The following ADAMTSL1 variants were observed in gnomAD, a reference collection of about 807,000 sequenced individuals.
ADAMTSL1 encodes ADAMTS-like protein 1.
Under a neutral mutation model 201.8 loss-of-function variants are expected in ADAMTSL1, and 126 were observed. The observed-to-expected ratio is 0.62, with a 90% CI of 0.54 to 0.72. The LOEUF (loss-of-function observed/expected upper bound fraction) is 0.72, where lower values mean the gene tolerates loss of function less well. Among genes scored for constraint, ADAMTSL1 ranks in the 30% least tolerant of loss-of-function variants. ADAMTSL1 has a pLI of 0.00. For missense variants in ADAMTSL1, 2,679 were observed against 2,277.8 expected, an observed-to-expected ratio of 1.18 and a Z score of -3.59; for synonymous variants, 1,121 against 903.4, an observed-to-expected ratio of 1.24 and a Z score of -4.32.
chr9:18,415,351 T>C (rs907640929), intron 2 of ADAMTSL1, among the ~76,000 whole-genome samples: 1 of 152,196 alleles, frequency 6.6e-6, no homozygotes, highest in African/African-American at 2.4e-5. Flanking sequence ...ATAGAAGATG[T>C]ATTTTTAAAA....
At chr9:18,400,897 T>C (rs1817961123) in intron 2 of ADAMTSL1, among the ~76,000 whole-genome samples, 1 of 152,136 alleles carries the variant, frequency 6.6e-6, no homozygotes, top group Non-Finnish European at 1.5e-5. Context: ...CAGCTGGCAA[T>C]AACTGTACGA....
Position 18,908,563 on chromosome 9 carries a change from G to GA in ADAMTSL1, c.*20dup, listed in dbSNP as rs1554663471. 6.4e-7 allele frequency: 1 copy of GA among 1,550,556 alleles called. No individual in the cohort carries two copies. The highest frequency in any genetic ancestry group is 2.4e-5 in the East Asian group (1 of 41,102). Reference sequence around the variant, plus strand: ...GCAAAGCGTGAAGATAGGGTGTGGGGAAAAACTCTACCCTGGCCACACGAA... The same window carrying GA: ...GCAAAGCGTGAAGATAGGGTGTGGGGAAAAAACTCTACCCTGGCCACACGAA... On this transcript the variant is annotated 3_prime_UTR_variant, in exon 29 of 29. Coordinates refer to ENST00000380548, the MANE Select transcript of ADAMTSL1 (RefSeq NM_001040272.6).
Position 18,301,136 on chromosome 9 carries a change from T to C in ADAMTSL1, c.207+137155T>C, listed in dbSNP as rs149313591. 9.1e-4 allele frequency among the ~76,000 whole-genome samples: 138 copies of C among 152,278 alleles called. 2 individuals carry two copies. Among genetic ancestry groups the C allele is most frequent in the African/African-American group, 3.1e-3 (129 of 41,562 alleles). ...TTTCATCAATCCAAGATACTTTTAATTGTAAGATGCACCATTATTTAAAGT... is the reference window on the plus strand; with the variant it reads ...TTTCATCAATCCAAGATACTTTTAACTGTAAGATGCACCATTATTTAAAGT... On this transcript the variant is annotated intron_variant, in intron 2 of 29. Transcript: ENST00000680146.
At chr9:18,530,226 C>T (rs1431323493) in intron 2 of ADAMTSL1, among the ~76,000 whole-genome samples, 1 of 152,060 alleles carries the variant, frequency 6.6e-6, no homozygotes, top group East Asian at 1.9e-4. Flanking sequence ...GAAACTAAGA[C>T]CCTAAGAGAG....
chr9:18,837,249 T>C (rs971976132), intron 23 of ADAMTSL1, among the ~76,000 whole-genome samples: 8 of 152,232 alleles, frequency 5.3e-5, no homozygotes, highest in African/African-American at 1.9e-4. Context: ...AAGTTTTAAG[T>C]TAATTTATCT....
intron 23 of ADAMTSL1, among the ~76,000 whole-genome samples, chr9:18,837,286 C>T (rs910253367): frequency 5.9e-5 from 9 of 152,126 alleles, no homozygotes; most frequent in Admixed American, 5.9e-4. Flanking sequence ...ATGATATAAG[C>T]TATATATTGA....
intron 14 of ADAMTSL1, among the ~76,000 whole-genome samples, chr9:18,717,018 T>C (rs1303928945): frequency 7.2e-6 from 1 of 139,376 alleles, no homozygotes; most frequent in Non-Finnish European, 1.6e-5. Context: ...TTCTCACTCA[T>C]AGGTGGGAAT....
intron 2 of ADAMTSL1, among the ~76,000 whole-genome samples, chr9:18,184,795 A>G (rs754837338): frequency 1.6e-4 from 24 of 152,240 alleles, no homozygotes; most frequent in Non-Finnish European, 3.1e-4. Context: ...TTTCATCCGT[A>G]TATCTAAAAA....
At chr9:18,635,920 G>A (rs767606911) in intron 5 of ADAMTSL1, 23 bp from the exon 6 acceptor site, 3 of 1,589,152 alleles carry the variant, frequency 1.9e-6, no homozygotes, top group Non-Finnish European at 8.5e-7. Context: ...ATGCTTTTAA[G>A]ATTTTGCTTT....
chr9:18,728,983 T>G (rs1449684868), intron 15 of ADAMTSL1, among the ~76,000 whole-genome samples: 1 of 152,266 alleles, frequency 6.6e-6, no homozygotes, highest in Non-Finnish European at 1.5e-5. Flanking sequence ...TAGCTTTTAC[T>G]GTAGGCACGT....
intron 15 of ADAMTSL1, among the ~76,000 whole-genome samples, chr9:18,735,752 T>TCTTTTCTTTTC (rs5896801): frequency 1.4e-5 from 2 of 138,676 alleles, no homozygotes; most frequent in Non-Finnish European, 3.2e-5. Context: ...TTTTTTCTTT[T>TCTTTTCTTTTC]TTTTTTTTTT....
At chr9:18,847,926 C>T (rs566067038) in intron 23 of ADAMTSL1, among the ~76,000 whole-genome samples, 9 of 152,194 alleles carry the variant, frequency 5.9e-5, no homozygotes, top group African/African-American at 1.9e-4. Context: ...TGCAATATTG[C>T]ATTGAGCATC....
chr9:17,946,955 T>C (rs1248299334), intron 1 of ADAMTSL1, among the ~76,000 whole-genome samples: 2 of 152,060 alleles, frequency 1.3e-5, no homozygotes, highest in Non-Finnish European at 2.9e-5. Context: ...AATACCATTA[T>C]AGGACACTAG....
At chr9:18,733,651 G>A (rs1164733472) in intron 15 of ADAMTSL1, among the ~76,000 whole-genome samples, 11 of 96,710 alleles carry the variant, frequency 1.1e-4, no homozygotes, top group African/African-American at 3.1e-4. Context: ...ACACTCACTC[G>A]CTCACTCTCT....
intron 3 of ADAMTSL1, among the ~76,000 whole-genome samples, chr9:18,545,109 T>C (rs1217244600): frequency 6.6e-6 from 1 of 152,180 alleles, no homozygotes; most frequent in Non-Finnish European, 1.5e-5. Context: ...TATAGACTCA[T>C]AGAATGTTAG....
intron 2 of ADAMTSL1, among the ~76,000 whole-genome samples, chr9:18,287,211 G>C (rs1288947679): frequency 4.6e-5 from 7 of 152,086 alleles, no homozygotes; most frequent in Non-Finnish European, 1.0e-4. Context: ...AAGTCTTAAA[G>C]CTCTGCTTGA....
chr9:17,913,406 C>A (rs1825967140), intron 1 of ADAMTSL1, among the ~76,000 whole-genome samples: 1 of 152,196 alleles, frequency 6.6e-6, no homozygotes, highest in South Asian at 2.1e-4. Context: ...TGAAGAGGTC[C>A]TTCACATCCC....
chr9:18,904,835 T>G (rs1830211662), intron 26 of ADAMTSL1, among the ~76,000 whole-genome samples: 1 of 150,768 alleles, frequency 6.6e-6, no homozygotes, highest in South Asian at 2.1e-4. Flanking sequence ...TAATTCGCCT[T>G]GGGCACAGCT....
intron 16 of ADAMTSL1, among the ~76,000 whole-genome samples, chr9:18,759,409 A>G (rs1819943427): frequency 6.6e-6 from 1 of 152,226 alleles, no homozygotes; most frequent in Non-Finnish European, 1.5e-5. Context: ...AGACAAAAAT[A>G]CCTTTGGTTT....
Sources: gnomAD v4.1 joint callset for allele counts (sites outside exome capture counted in the v4.1 genomes callset) on GRCh38, gnomAD v4.1.1 for gene constraint, MANE v1.5 for transcripts, NCBI Gene and HGNC (gene_info 2026-07-23, HGNC 2026-07-21) for gene names.